Variants in ADAM22 observed in about 807,000 individuals in gnomAD.
The protein encoded by ADAM22 is disintegrin and metalloproteinase domain-containing protein 22.
Under a neutral mutation model 144.6 loss-of-function variants are expected in ADAM22, and 65 were observed. The ratio of observed to expected loss-of-function variants is 0.45; its 90% CI spans 0.37 to 0.55. The LOEUF is 0.55. Ranked by LOEUF, ADAM22 falls within the 20% of genes least tolerant of loss-of-function variation. ADAM22 has a pLI of 0.00. For missense variants in ADAM22, 974 were observed against 1,184.9 expected, an observed-to-expected ratio of 0.82 and a Z score of 2.61; for synonymous variants, 391 against 412.6, an observed-to-expected ratio of 0.95 and a Z score of 0.63.
intron 9 of ADAM22, among the ~76,000 whole-genome samples, chr7:88,129,308 A>G (rs1012773804): frequency 2.0e-5 from 3 of 152,068 alleles, no homozygotes; most frequent in East Asian, 3.8e-4. Context: ...CTATGTAACC[A>G]AAGTTTTAAA....
intron 3 of ADAM22, among the ~76,000 whole-genome samples, chr7:87,986,649 G>T (rs1004570234): frequency 9.2e-5 from 14 of 152,114 alleles, no homozygotes; most frequent in Non-Finnish European, 2.9e-5. Flanking sequence ...AGTAGCATCA[G>T]GCTCCTGTAA....
At chr7:87,978,222 G>A in intron 2 of ADAM22, 114 bp from the exon 3 acceptor site, 1 of 824,628 alleles carries the variant, frequency 1.2e-6, no homozygotes, top group Non-Finnish European at 1.9e-6. Flanking sequence ...TATTCTCCAT[G>A]TTGAATTATT....
intron 4 of ADAM22, among the ~76,000 whole-genome samples, chr7:88,100,584 G>A (rs114229154): frequency 5.2e-4 from 79 of 152,280 alleles, no homozygotes; most frequent in African/African-American, 1.9e-3. Flanking sequence ...AATCGGGATA[G>A]GTTGGTGGAT....
At chr7:88,155,771 T>C (rs1221434953) in intron 21 of ADAM22, 116 bp from the exon 22 acceptor site, 1 of 1,202,998 alleles carries the variant, frequency 8.3e-7, no homozygotes, top group Non-Finnish European at 1.1e-6. Flanking sequence ...ACTTGGCATA[T>C]GAGTAGATAA....
chr7:87,973,611 T>C (rs538014991), intron 2 of ADAM22, among the ~76,000 whole-genome samples: 3 of 152,278 alleles, frequency 2.0e-5, no homozygotes, highest in African/African-American at 7.2e-5. Context: ...GGATTATAAA[T>C]CGTGCTGCTA....
intron 3 of ADAM22, among the ~76,000 whole-genome samples, chr7:88,058,918 T>G (rs186451212): frequency 3.7e-4 from 57 of 152,326 alleles, no homozygotes; most frequent in African/African-American, 1.1e-3. Flanking sequence ...AGGGATATGC[T>G]TCTTCCTTTC....
intron 3 of ADAM22, among the ~76,000 whole-genome samples, chr7:88,016,312 T>G (rs898433870): frequency 3.3e-5 from 5 of 152,204 alleles, no homozygotes; most frequent in Non-Finnish European, 7.3e-5. Context: ...TAACAAATGT[T>G]TAACTTTTAC....
chr7:87,983,852 T>A (rs1294273247), intron 3 of ADAM22, among the ~76,000 whole-genome samples: 1 of 152,162 alleles, frequency 6.6e-6, no homozygotes, highest in African/African-American at 2.4e-5. Flanking sequence ...TTTTATTGAA[T>A]GTTTTTCTAG....
At chr7:88,071,150 G>A (rs1376585218) in intron 3 of ADAM22, among the ~76,000 whole-genome samples, 1 of 152,106 alleles carries the variant, frequency 6.6e-6, no homozygotes, top group African/African-American at 2.4e-5. Flanking sequence ...GTGTGTGAAG[G>A]GAGGTGATTT....
chr7:88,133,850 G>A (rs570509404), intron 12 of ADAM22, among the ~76,000 whole-genome samples: 3 of 152,160 alleles, frequency 2.0e-5, no homozygotes, highest in Admixed American at 6.5e-5. Context: ...TCTATTGGCC[G>A]AAGATCATCA....
intron 6 of ADAM22, 84 bp downstream of exon 6, chr7:88,114,731 A>T (rs576418684): frequency 1.5e-6 from 2 of 1,294,496 alleles, no homozygotes; most frequent in African/African-American, 3.0e-5. Flanking sequence ...TCTCTACTTT[A>T]TTTCATTTTT....
chr7:88,196,738 A>T lies in ADAM22; in HGVS notation c.*247A>T. On this transcript the variant is annotated 3_prime_UTR_variant, in exon 32 of 32. Coordinates refer to ENST00000413139, the MANE Select transcript of ADAM22 (RefSeq NM_001324418.2). ...CACTATAACATGGAACAATAAAGGTACTGGTATGTTAATGGATAATCCGCA... is the reference window on the plus strand; with the variant it reads ...CACTATAACATGGAACAATAAAGGTTCTGGTATGTTAATGGATAATCCGCA... 1 of 534,284 alleles carries T rather than the reference A, an allele frequency of 1.9e-6. No homozygotes were observed. The highest frequency in any genetic ancestry group is 3.4e-6 in the Non-Finnish European group (1 of 296,484). 33.1% of individuals were successfully genotyped at this position (534,284 alleles called of 1,614,324 possible).
At chr7:88,019,937 C>A (rs1457953725) in intron 3 of ADAM22, among the ~76,000 whole-genome samples, 2 of 149,984 alleles carry the variant, frequency 1.3e-5, no homozygotes, top group African/African-American at 4.9e-5. Flanking sequence ...AAGATTAAAC[C>A]TCAAATGATA....
chr7:87,969,827 A>G (rs1015194115), intron 2 of ADAM22, among the ~76,000 whole-genome samples: 3 of 152,228 alleles, frequency 2.0e-5, no homozygotes, highest in African/African-American at 7.2e-5. Context: ...AGATGGTTGG[A>G]TTTCAAGAAC....
At position 88,108,192 on chromosome 7, in the gene ADAM22, A is replaced by G; in HGVS notation, c.407A>G (p.Tyr136Cys). The G allele has an allele frequency of 6.2e-7, 1 of 1,613,714 alleles. No homozygotes were observed. Among genetic ancestry groups the G allele is most frequent in the Non-Finnish European group, 8.5e-7 (1 of 1,179,852 alleles). ...TGTTTTCAGGGAGGAGAGCACTGTT[A>G]CTACCAGGGCCATATCCGAGGAAAC... ...TVEVKGGEHCYYQGHIRGNPD... is the reference protein window; with the variant it reads ...TVEVKGGEHCCYQGHIRGNPD... The change falls in exon 5 of 32, where the codon TAC becomes TGC. Residue 136 changes from tyrosine (Y) to cysteine (C), a missense_variant. Physicochemically the swap from Tyr to Cys is radical, Grantham distance 194 (BLOSUM62 -2). Transcript: ENST00000413139.
chr7:88,051,703 TA>T (rs1326729913), intron 3 of ADAM22, among the ~76,000 whole-genome samples: 2 of 151,208 alleles, frequency 1.3e-5, no homozygotes, highest in Non-Finnish European at 3.0e-5. Flanking sequence ...AGTATAATAA[TA>T]AATAAAAAAA....
chr7:88,116,723 A>T (rs1827848364), intron 6 of ADAM22, 22 bp from the exon 7 acceptor site: 1 of 1,598,776 alleles, frequency 6.3e-7, no homozygotes, highest in Admixed American at 1.7e-5. Context: ...ATGCTTAATC[A>T]CTGTTGCTTG....
rs1030022745 is a variant in ADAM22, at chr7:88,198,025, C to G, written c.*1534C>G. ...GTCATTCCAAAAGAAAGCTAGCTAC[C>G]CTAGTGAGGCTGGAGATTGATGGGC... On this transcript the variant is annotated 3_prime_UTR_variant, in exon 32 of 32. Transcript: ENST00000413139. 1 of 152,066 alleles carries G rather than the reference C, an allele frequency of 6.6e-6. No individual in the cohort carries two copies. Among genetic ancestry groups the G allele is most frequent in the African/African-American group, 2.4e-5 (1 of 41,380 alleles). 9.4% of individuals were successfully genotyped at this position (152,066 alleles called of 1,614,324 possible).
chr7:88,180,574 A>T (rs1846754896), intron 27 of ADAM22, among the ~76,000 whole-genome samples: 1 of 152,102 alleles, frequency 6.6e-6, no homozygotes, highest in African/African-American at 2.4e-5. Context: ...GATTCCATTA[A>T]CCAATATTCC....
Sources: gnomAD v4.1 joint callset for allele counts (sites outside exome capture counted in the v4.1 genomes callset) on GRCh38, gnomAD v4.1.1 for gene constraint, MANE v1.5 for transcripts, NCBI Gene and HGNC (gene_info 2026-07-23, HGNC 2026-07-21) for gene names.